The following MED12L variants were observed in gnomAD, a reference collection of about 807,000 sequenced individuals.
The protein encoded by MED12L is mediator complex subunit 12L.
In MED12L, 60 loss-of-function variants were observed where a neutral mutation model predicts 281.3. The observed-to-expected ratio is 0.21, with a 90% CI of 0.17 to 0.26. The LOEUF (loss-of-function observed/expected upper bound fraction) is 0.26, where lower values mean the gene tolerates loss of function less well. Ranked by LOEUF, MED12L falls within the 10% of genes least tolerant of loss-of-function variation. The probability of loss-of-function intolerance (pLI) is 1.00; values close to 1 mark genes in which losing one functional copy is unlikely to be tolerated. For missense variants in MED12L, 2,146 were observed against 2,680.9 expected, an observed-to-expected ratio of 0.80 and a Z score of 4.41; for synonymous variants, 974 against 987.2, an observed-to-expected ratio of 0.99 and a Z score of 0.25.
intron 2 of MED12L, among the ~76,000 whole-genome samples, chr3:151,108,516 A>G (rs1390854556): frequency 6.6e-6 from 1 of 152,040 alleles, no homozygotes; most frequent in Non-Finnish European, 1.5e-5. Flanking sequence ...CTTTTGGGGG[A>G]GAGGTGGACA....
chr3:151,351,696 T>C (rs779012320), intron 17 of MED12L, among the ~76,000 whole-genome samples: 1 of 152,196 alleles, frequency 6.6e-6, no homozygotes, highest in Non-Finnish European at 1.5e-5. Flanking sequence ...GGAGTCAGTA[T>C]TTCCTTCAGG....
chr3:151,417,932 A>G (rs1026299663), intron 43 of MED12L, among the ~76,000 whole-genome samples: 2 of 152,152 alleles, frequency 1.3e-5, no homozygotes, highest in African/African-American at 4.8e-5. Flanking sequence ...TACCTATCCA[A>G]TGTGTATTAG....
chr3:151,214,286 CTGGAGGCTGTG>C, intron 16 of MED12L: 1 of 1,613,858 alleles, frequency 6.2e-7, no homozygotes. Context: ...CAGGATTCAT[CTGGAGGCTGTG>C]TGGAGGTTGA....
chr3:151,184,349 T>C (rs1325986340), intron 11 of MED12L, among the ~76,000 whole-genome samples: 3 of 152,218 alleles, frequency 2.0e-5, no homozygotes, highest in Admixed American at 2.0e-4. Context: ...TGTTCTTCCA[T>C]GGCGTGTGCT....
In MED12L at chr3:151,192,577, A is replaced by G. The variant is rs1410872054; in HGVS notation, c.1996A>G (p.Ile666Val). 5 of 1,535,924 alleles carry G rather than the reference A, an allele frequency of 3.3e-6. No homozygotes were observed. Among genetic ancestry groups the G allele is most frequent in the South Asian group, 2.4e-5 (2 of 84,062 alleles). ...ACAGAGTATTATGGCGCATATGGGC[A>G]TTGACTCAGGAACCACTAACATTTT... ...EEQSIMAHMGIDSGTTNIFDE... is the reference protein window; with the variant it reads ...EEQSIMAHMGVDSGTTNIFDE... The change falls in exon 15 of 45, where the codon ATT becomes GTT. Residue 666 changes from isoleucine to valine, a missense_variant. Physicochemically the swap from Ile to Val is conservative, Grantham distance 29. This residue lies in a region of MED12L where 722 missense variants were observed against 861.2 expected (regional missense o/e 0.84). Coordinates refer to ENST00000687756, the MANE Select transcript of MED12L (RefSeq NM_001393769.1).
intron 16 of MED12L, among the ~76,000 whole-genome samples, chr3:151,229,139 C>G (rs1301755532): frequency 1.3e-5 from 2 of 152,094 alleles, no homozygotes; most frequent in Non-Finnish European, 2.9e-5. Flanking sequence ...ATATAAATAT[C>G]CAGAATTTTA....
intron 32 of MED12L, among the ~76,000 whole-genome samples, 171 bp downstream of exon 32, chr3:151,380,395 G>C (rs528602001): frequency 6.6e-6 from 1 of 152,176 alleles, no homozygotes; most frequent in Admixed American, 6.5e-5. Context: ...CCAGGAGTTC[G>C]AGACCAGCCT....
At chr3:151,199,069 T>A (rs780842892) in intron 16 of MED12L, 1 of 1,614,064 alleles carries the variant, frequency 6.2e-7, no homozygotes, top group South Asian at 1.1e-5. Context: ...TGCTGACAAA[T>A]GCTAAGAAGA....
chr3:151,088,922 A>G (rs1719651489), intron 2 of MED12L, among the ~76,000 whole-genome samples: 1 of 152,174 alleles, frequency 6.6e-6, no homozygotes, highest in Non-Finnish European at 1.5e-5. Context: ...CCAATGTTTT[A>G]ACTCTCCCAA....
At chr3:151,337,815 G>T (rs754002934) in intron 16 of MED12L, 21 of 1,613,176 alleles carry the variant, frequency 1.3e-5, no homozygotes, top group South Asian at 1.2e-4. Context: ...TAGTTAATTT[G>T]TTTACATTGG....
rs1279764828 is a variant in MED12L, at chr3:151,411,404, A to G, written c.6037A>G (p.Asn2013Asp). The change falls in exon 41 of 45, where the codon AAC (asparagine) becomes GAC (aspartate). Residue 2013 changes from asparagine (N) to aspartate (D), a missense_variant. Physicochemically the swap from Asn to Asp is conservative, Grantham distance 23. Transcript: ENST00000687756. Reference sequence around the variant, plus strand: ...CAGAGCCTATCCGGCCGCACATTCCAACCCCGTGCTAATGGAAAGACTCAG... The same window carrying G: ...CAGAGCCTATCCGGCCGCACATTCCGACCCCGTGCTAATGGAAAGACTCAG... ...NSRAYPAAHSNPVLMERLRQI... is the reference protein window; with the variant it reads ...NSRAYPAAHSDPVLMERLRQI... 6.2e-7 allele frequency: 1 copy of G among 1,614,100 alleles called. No homozygotes were observed.
At chr3:151,278,646 A>C (rs3773621) in intron 16 of MED12L, among the ~76,000 whole-genome samples, 48,833 of 152,024 alleles carry the variant, frequency 0.32, 7,894 homozygotes, top group African/African-American at 0.33. Flanking sequence ...AGCCAGGCAA[A>C]AACCTGTTTT....
intron 17 of MED12L, 62 bp from the exon 18 acceptor site, chr3:151,355,059 A>G: frequency 2.4e-6 from 3 of 1,233,288 alleles, no homozygotes; most frequent in South Asian, 2.5e-5. Flanking sequence ...AAAAGTATCC[A>G]TTAAAAATGT....
Position 151,139,871 on chromosome 3 carries a change from T to C in MED12L, c.556+11887T>C, listed in dbSNP as rs182162396. Reference sequence around the variant, plus strand: ...TTCACAATAAATCATATAGAACTATTGGACTCTTTAAGACATGCACAAGAG... The same window carrying C: ...TTCACAATAAATCATATAGAACTATCGGACTCTTTAAGACATGCACAAGAG... On this transcript the variant is annotated intron_variant, in intron 5 of 44. Transcript: ENST00000687756. Among the ~76,000 whole-genome samples, 3 of 152,346 alleles carry C rather than the reference T, an allele frequency of 2.0e-5. No individual in the cohort carries two copies. In the East Asian group the frequency reaches 5.8e-4, roughly 29 times the overall value.
intron 2 of MED12L, among the ~76,000 whole-genome samples, chr3:151,092,934 C>T (rs1720248841): frequency 6.6e-6 from 1 of 152,184 alleles, no homozygotes; most frequent in Non-Finnish European, 1.5e-5. Flanking sequence ...CTGTTTTCAG[C>T]TTCTCACAGT....
At chr3:151,111,840 G>A (rs970469135) in intron 2 of MED12L, among the ~76,000 whole-genome samples, 1 of 152,174 alleles carries the variant, frequency 6.6e-6, no homozygotes, top group African/African-American at 2.4e-5. Flanking sequence ...TCTGGGCGGG[G>A]AAGAGGAGTT....
chr3:151,335,416 C>T (rs539246884), intron 16 of MED12L, among the ~76,000 whole-genome samples: 14 of 152,238 alleles, frequency 9.2e-5, no homozygotes, highest in African/African-American at 2.9e-4. Context: ...CAGTGGGCTG[C>T]GATTTGGCCT....
At position 151,202,648 on chromosome 3, in the gene MED12L, T is replaced by C. The variant is rs1050443209; in HGVS notation, c.2250+8982T>C. Among the ~76,000 whole-genome samples, 3 of 152,098 alleles carry C rather than the reference T, an allele frequency of 2.0e-5. No homozygotes were observed. The East Asian group carries it at 5.8e-4, about 29-fold the overall frequency. On this transcript the variant is annotated intron_variant, in intron 16 of 44. Transcript: ENST00000687756. ...TCGCACCACTGCACTCCAGCCTGGG[T>C]GAAAAAGCGAGACTCCTCAAAAACA...
chr3:151,396,977 A>G (rs1715063445), intron 39 of MED12L, among the ~76,000 whole-genome samples: 2 of 152,222 alleles, frequency 1.3e-5, no homozygotes, highest in Non-Finnish European at 2.9e-5. Flanking sequence ...TGACACCATT[A>G]CTTTTCTTTC....
Sources: gnomAD v4.1 joint callset for allele counts (sites outside exome capture counted in the v4.1 genomes callset) on GRCh38, gnomAD v4.1.1 for gene constraint, gnomAD v4.1.1 regional missense constraint, MANE v1.5 for transcripts, NCBI Gene and HGNC (gene_info 2026-07-23, HGNC 2026-07-21) for gene names.